Variants in BIRC2 observed in about 807,000 individuals in gnomAD.
BIRC2 encodes baculoviral IAP repeat-containing protein 2.
Under a neutral mutation model 60.9 loss-of-function variants are expected in BIRC2, and 18 were observed. The ratio of observed to expected loss-of-function variants is 0.30; its 90% CI spans 0.20 to 0.44. The LOEUF (loss-of-function observed/expected upper bound fraction) is 0.44, where lower values mean the gene tolerates loss of function less well. BIRC2 is among the 20% of genes least tolerant of loss of function. The pLI is 1.00. For synonymous variants in BIRC2, 282 were observed against 247.7 expected (o/e 1.14, Z -1.30); for missense variants, 701 against 728.5 (o/e 0.96, Z 0.43).
intron 6 of BIRC2, among the ~76,000 whole-genome samples, chr11:102,373,663 G>A (rs956078840): frequency 2.7e-5 from 4 of 150,776 alleles, no homozygotes; most frequent in Non-Finnish European, 4.4e-5. Flanking sequence ...TGCTCTTCTC[G>A]AGGAGTATCT....
At chr11:102,365,756 G>A (rs990193763) in intron 5 of BIRC2, among the ~76,000 whole-genome samples, 1 of 151,940 alleles carries the variant, frequency 6.6e-6, no homozygotes, top group Admixed American at 6.6e-5. Context: ...GTGTGTGTGT[G>A]TGTGTGTGTG....
At chr11:102,371,834 A>T (rs887936373) in intron 6 of BIRC2, among the ~76,000 whole-genome samples, 2 of 151,792 alleles carry the variant, frequency 1.3e-5, no homozygotes, top group Non-Finnish European at 2.9e-5. Flanking sequence ...GATTATTGCC[A>T]CAATTTCAGA....
intron 6 of BIRC2, among the ~76,000 whole-genome samples, chr11:102,374,305 A>G (rs1418287425): frequency 1.3e-5 from 2 of 150,348 alleles, no homozygotes; most frequent in South Asian, 4.2e-4. Flanking sequence ...GGTTTTATCT[A>G]TTTTTGGTCT....
chr11:102,366,612 C>G (rs35407435), intron 5 of BIRC2, among the ~76,000 whole-genome samples: 1 of 151,818 alleles, frequency 6.6e-6, no homozygotes, highest in Non-Finnish European at 1.5e-5. Context: ...CCTCATGATC[C>G]GCCCGCCTTG....
intron 3 of BIRC2, among the ~76,000 whole-genome samples, chr11:102,354,253 A>T (rs972416553): frequency 2.0e-5 from 3 of 152,180 alleles, no homozygotes; most frequent in African/African-American, 7.2e-5. Context: ...TCTGTTGTCC[A>T]GGTTGGAGTG....
rs1303563440 is a variant in BIRC2 at position 102,349,662 on chromosome 11, C to A, written c.-193C>A. ...TACTACAACCCCAAAGAGTTGTGTTCTAAGTAGTATCTTGGTAATTCAGAG... is the reference window on the plus strand; with the variant it reads ...TACTACAACCCCAAAGAGTTGTGTTATAAGTAGTATCTTGGTAATTCAGAG... On this transcript the variant is annotated 5_prime_UTR_variant, in exon 2 of 9. Coordinates refer to ENST00000227758, the MANE Select transcript of BIRC2 (RefSeq NM_001166.5). 2.3e-5 allele frequency: 13 copies of A among 575,830 alleles called. No individual in the cohort carries two copies. The Admixed American group carries it at 4.0e-4, about 18-fold the overall frequency. 35.7% of individuals were successfully genotyped at this position (575,830 alleles called of 1,614,324 possible).
chr11:102,366,698 C>T (rs765659876), intron 5 of BIRC2, among the ~76,000 whole-genome samples: 3 of 152,112 alleles, frequency 2.0e-5, no homozygotes, highest in Non-Finnish European at 4.4e-5. Flanking sequence ...ATCCAAACTA[C>T]CGTCATCTGT....
intron 3 of BIRC2, among the ~76,000 whole-genome samples, chr11:102,361,066 G>A (rs1951479765): frequency 6.6e-6 from 1 of 152,108 alleles, no homozygotes; most frequent in African/African-American, 2.4e-5. Context: ...GTGGCCAAGG[G>A]GATTCTTCTT....
intron 5 of BIRC2, among the ~76,000 whole-genome samples, chr11:102,366,660 T>A (rs35623064): frequency 3.3e-5 from 5 of 152,004 alleles, no homozygotes; most frequent in African/African-American, 1.2e-4. Context: ...TGAGCCACCA[T>A]GCCCGGCCCT....
chr11:102,349,910 A>G lies in BIRC2; in HGVS notation c.56A>G (p.Lys19Arg). The G allele has an allele frequency of 6.2e-7, 1 of 1,613,958 alleles. No individual in the cohort carries two copies. The highest frequency in any genetic ancestry group is 1.1e-5 in the South Asian group (1 of 91,038). Residue 19 changes from lysine to arginine, a missense_variant, in exon 2 of 9, where the codon AAG becomes AGG. By Grantham distance (26) the Lys-to-Arg change is conservative. Around this residue, in one of 4 missense-constraint regions of BIRC2, gnomAD observed 375 missense variants for 365.9 expected, o/e 1.02. Coordinates refer to ENST00000227758, the MANE Select transcript of BIRC2 (RefSeq NM_001166.5). Reference sequence around the variant, plus strand: ...CCAGGTCCCTCGTATCAAAACATTAAGAGTATAATGGAAGATAGCACGATC... The same window carrying G: ...CCAGGTCCCTCGTATCAAAACATTAGGAGTATAATGGAAGATAGCACGATC... The part of the protein sequence containing the change: ...LFPGPSYQNI[K>R]SIMEDSTILS...
chr11:102,369,445 G>A (rs1951597570), intron 6 of BIRC2, among the ~76,000 whole-genome samples: 1 of 151,382 alleles, frequency 6.6e-6, no homozygotes, highest in African/African-American at 2.4e-5. Flanking sequence ...ATAGTTTACT[G>A]AGAATGATGA....
At chr11:102,375,554 G>T (rs1393292609) in intron 6 of BIRC2, among the ~76,000 whole-genome samples, 1 of 152,138 alleles carries the variant, frequency 6.6e-6, no homozygotes, top group African/African-American at 2.4e-5. Flanking sequence ...GCCAAGACGG[G>T]CGGATCACAA....
intron 3 of BIRC2, among the ~76,000 whole-genome samples, chr11:102,352,117 T>G (rs1039152685): frequency 2.0e-5 from 3 of 151,034 alleles, no homozygotes; most frequent in African/African-American, 7.3e-5. Flanking sequence ...TTTTTTTTTT[T>G]GTTTTGTTTT....
At chr11:102,363,804 CCCAA>C (rs1288199147) in intron 5 of BIRC2, 88 bp downstream of exon 5, 1 of 1,052,804 alleles carries the variant, frequency 9.5e-7, no homozygotes, top group East Asian at 2.7e-5. Flanking sequence ...TGCCTGTAAT[CCCAA>C]CACTTTGAGA....
At chr11:102,361,357 G>A (rs1591537111) in intron 3 of BIRC2, among the ~76,000 whole-genome samples, 1 of 152,292 alleles carries the variant, frequency 6.6e-6, no homozygotes, top group Non-Finnish European at 1.5e-5. Flanking sequence ...TGTGATTAGA[G>A]CAGCCACAGA....
At chr11:102,356,379 G>A (rs1951420538) in intron 3 of BIRC2, among the ~76,000 whole-genome samples, 1 of 151,540 alleles carries the variant, frequency 6.6e-6, no homozygotes, top group African/African-American at 2.4e-5. Context: ...TAATTTCTTA[G>A]TAGAGATGGC....
rs1279189443 is a variant in BIRC2 at position 102,368,351 on chromosome 11, T to C, written c.1169T>C (p.Met390Thr). ...GAAAGTTCTTCAGAAGATGCTGTCA[T>C]GATGAATACACCTGTGGTTAAATCT... is the stretch of plus-strand genomic sequence containing the variant. ...PGESSSEDAV[M>T]MNTPVVKSAL... Residue 390 changes from methionine (M) to threonine (T), a missense_variant, in exon 6 of 9, where the codon ATG (methionine) becomes ACG (threonine). Physicochemically the swap from Met to Thr is moderately conservative, Grantham distance 81. Transcript: ENST00000227758. 13 of 1,613,902 alleles carry C rather than the reference T, an allele frequency of 8.1e-6. No individual in the cohort carries two copies. Among genetic ancestry groups the C allele is most frequent in the Middle Eastern group, 1.6e-4 (1 of 6,084 alleles).
chr11:102,352,177 G>A (rs1394346668), intron 3 of BIRC2, among the ~76,000 whole-genome samples: 1 of 150,768 alleles, frequency 6.6e-6, no homozygotes, highest in Non-Finnish European at 1.5e-5. Flanking sequence ...GCAGTGGCGC[G>A]ATCTCGGCTC....
rs192474233 is a variant in BIRC2, at chr11:102,354,672, A to G, written c.995+3729A>G. Among the ~76,000 whole-genome samples, 528 of 152,338 alleles carry G rather than the reference A, an allele frequency of 3.5e-3. 4 individuals are homozygous for G. Among genetic ancestry groups the G allele is most frequent in the African/African-American group, 0.012 (495 of 41,572 alleles). ...ATTTTTAGTTTTTTGAGCAACCTCT[A>G]TACTGTTTTCCATAATGACAGTAGT... On this transcript the variant is annotated intron_variant, in intron 3 of 8. Transcript: ENST00000227758.
Sources: gnomAD v4.1 joint callset for allele counts (sites outside exome capture counted in the v4.1 genomes callset) on GRCh38, gnomAD v4.1.1 for gene constraint, gnomAD v4.1.1 regional missense constraint, MANE v1.5 for transcripts, NCBI Gene and HGNC (gene_info 2026-07-23, HGNC 2026-07-21) for gene names.